Variants in ZIC3 observed in about 807,000 individuals in gnomAD.
ZIC3 encodes the protein Zic family zinc finger 3, also known as zinc finger protein ZIC 3.
A neutral mutation model predicts 18.3 loss-of-function variants in ZIC3; 6 were observed. That is an observed-to-expected ratio of 0.33 (90% CI 0.18 to 0.65). The LOEUF (loss-of-function observed/expected upper bound fraction) is 0.65. Among genes scored for constraint, ZIC3 ranks in the 30% least tolerant of loss-of-function variants. The probability of loss-of-function intolerance (pLI) is 0.75; values close to 1 mark genes in which losing one functional copy is unlikely to be tolerated. For missense variants in ZIC3, 260 were observed against 410.0 expected (o/e 0.63, Z 3.16); for synonymous variants, 175 against 177.0 (o/e 0.99, Z 0.09).
rs1931334333 is a variant in ZIC3 at position 137,566,170 on chromosome X, C to T, written c.-522C>T. 1 of 149,279 alleles carries T rather than the reference C, an allele frequency of 6.7e-6. No homozygotes were observed. Among genetic ancestry groups the T allele is most frequent in the Non-Finnish European group, 1.3e-5 (1 of 77,516 alleles). 12.3% of individuals were successfully genotyped at this position (149,279 alleles called of 1,213,427 possible). A position where few individuals can be genotyped will look rare whatever the true frequency, so the allele number is the denominator to read the frequency against. On this transcript the variant is annotated 5_prime_UTR_variant, in exon 1 of 3. Coordinates refer to ENST00000287538, the MANE Select transcript of ZIC3 (RefSeq NM_003413.4). ...CTCTGGAGGCGAAGAGGCTGGGACTCGCGCGGCGAGCGGCAAGCGGCGAGT... is the reference window on the plus strand; with the variant it reads ...CTCTGGAGGCGAAGAGGCTGGGACTTGCGCGGCGAGCGGCAAGCGGCGAGT...
chrX:137,574,243 G>C (rs1218852472), downstream of ZIC3: 2 of 113,388 alleles, frequency 1.8e-5, no homozygotes, highest in African/African-American at 6.4e-5. Flanking sequence ...GCGGCTCCCG[G>C]GGCTCATCAG....
chrX:137,569,061 T>G lies in ZIC3; in HGVS notation c.1220T>G (p.Met407Arg), dbSNP rs1931399013. The change falls in exon 2 of 3, where the codon ATG becomes AGG. Residue 407 changes from methionine to arginine, a missense_variant. Around this residue, in one of 4 missense-constraint regions of ZIC3, gnomAD observed 52 missense variants for 111.5 expected, o/e 0.47. Coordinates refer to ENST00000287538, the MANE Select transcript of ZIC3 (RefSeq NM_003413.4). ...YTHPSSLRKHMKVHESQGSDS... is the reference protein window; with the variant it reads ...YTHPSSLRKHRKVHESQGSDS... The stretch of plus-strand genomic sequence containing the variant: ...CACCCGAGCTCCCTGCGCAAACACA[T>G]GAAGGTAATTACCTCTTTATTAGCG... 1 of 1,210,948 alleles carries G rather than the reference T, an allele frequency of 8.3e-7. No homozygotes were observed. Among genetic ancestry groups the G allele is most frequent in the African/African-American group, 1.7e-5 (1 of 57,567 alleles).
In ZIC3 at chrX:137,568,981, T is replaced by A; in HGVS notation, c.1140T>A (p.His380Gln). The change falls in exon 2 of 3, where the codon CAT becomes CAA. Residue 380 changes from histidine to glutamine, a missense_variant. Physicochemically the swap from His to Gln is conservative, Grantham distance 24 (BLOSUM62 0). Around this residue, in one of 4 missense-constraint regions of ZIC3, gnomAD observed 52 missense variants for 111.5 expected, o/e 0.47. Transcript: ENST00000287538. ...GCAGCGACCGTAAGAAGCACATGCA[T>A]GTGCATACCTCGGACAAGCCCTATA... is the stretch of plus-strand genomic sequence containing the variant. ...ANSSDRKKHM[H>Q]VHTSDKPYIC... is the part of the protein sequence containing the mutation. 8.3e-7 allele frequency: 1 copy of A among 1,211,268 alleles called. No homozygotes were observed.
At chrX:137,573,550 G>A (rs754431426), downstream of ZIC3, among the ~76,000 whole-genome samples, 15 of 111,924 alleles carry the variant, frequency 1.3e-4, no homozygotes, top group African/African-American at 4.9e-4. Flanking sequence ...CTGCCTCTTC[G>A]CCCTGGCTCT....
rs748259350 is a variant in ZIC3, at chrX:137,569,085, C to G, written c.1224+20C>G. ...ATGAAGGTAATTACCTCTTTATTAG[C>G]GGTCGGCGGTTTGTAAACACTCGGC... On this transcript the variant is annotated intron_variant, in intron 2 of 2. Transcript: ENST00000287538. The G allele has an allele frequency of 1.1e-5, 13 of 1,210,360 alleles. No individual in the cohort carries two copies. The highest frequency in any genetic ancestry group is 1.5e-5 in the Non-Finnish European group (13 of 894,646).
Position 137,566,778 on chromosome X carries a change from C to T in ZIC3, c.87C>T (p.Asn29=). 8.4e-7 allele frequency: 1 copy of T among 1,185,544 alleles called. No homozygotes were observed. Among genetic ancestry groups the T allele is most frequent in the Non-Finnish European group, 1.1e-6 (1 of 884,014 alleles). ...FGAPRHHEMP[N]REPAGMGLNP... is the part of the protein sequence containing the mutation. ...CGCCGCGCCACCACGAGATGCCCAA[C>T]CGTGAGCCGGCAGGCATGGGGCTGA... The change falls in exon 1 of 3, where the codon AAC becomes AAT. Residue 29 remains asparagine, a synonymous_variant. Coordinates refer to ENST00000287538, the MANE Select transcript of ZIC3 (RefSeq NM_003413.4).
At chrX:137,573,889 C>T (rs1602745772), downstream of ZIC3, 1 of 108,317 alleles carries the variant, frequency 9.2e-6, no homozygotes, top group Non-Finnish European at 1.9e-5. Flanking sequence ...GAGGCTCGGG[C>T]GGGGGGGGAA....
chrX:137,577,109 G>GT (rs1183708439), intron 2 of ZIC3: 9 of 504,554 alleles, frequency 1.8e-5, no homozygotes, highest in African/African-American at 4.7e-5. Context: ...TTCACTTTTT[G>GT]TTTTTTTGCC....
Position 137,567,651 on chromosome X carries a change from A to C in ZIC3, c.960A>C (p.Arg320=). 1 of 1,212,242 alleles carries C rather than the reference A, an allele frequency of 8.2e-7. No homozygotes were observed. Among genetic ancestry groups the C allele is most frequent in the Non-Finnish European group, 1.1e-6 (1 of 895,607 alleles). ...KAKYKLVNHI[R]VHTGEKPFPC... is the part of the protein sequence containing the mutation. ...AGTACAAACTGGTCAACCACATCCGAGTGCACACGGGCGAGAAGCCCTTCC... is the reference window on the plus strand; with the variant it reads ...AGTACAAACTGGTCAACCACATCCGCGTGCACACGGGCGAGAAGCCCTTCC... The change falls in exon 1 of 3, where the codon CGA becomes CGC. Residue 320 remains arginine, a synonymous_variant. Coordinates refer to ENST00000287538, the MANE Select transcript of ZIC3 (RefSeq NM_003413.4).
chrX:137,574,337 C>T (rs1028506386), downstream of ZIC3, among the ~76,000 whole-genome samples: 2 of 113,488 alleles, frequency 1.8e-5, no homozygotes, highest in Admixed American at 9.2e-5. Flanking sequence ...GACTGGTTGT[C>T]GGCCCGCGCG....
chrX:137,566,844 C>T lies in ZIC3; in HGVS notation c.153C>T (p.Ala51=), dbSNP rs1418290298. ...CAACCCACGCCGCCGCCGCCGCCGC[C>T]GCCGCCGCTGCCTTCAAGCTGAGCC... ...GDSTHAAAAA[A]AAAAFKLSPA... Residue 51 remains alanine, a synonymous_variant, in exon 1 of 3, where the codon GCC becomes GCT. Transcript: ENST00000287538. 9.5e-6 allele frequency: 11 copies of T among 1,162,809 alleles called. No individual in the cohort carries two copies. Among genetic ancestry groups the T allele is most frequent in the Admixed American group, 7.7e-5 (3 of 38,915 alleles).
In ZIC3 at chrX:137,566,557, G is replaced by C. The variant is rs905369070; in HGVS notation, c.-135G>C. 1.2e-5 allele frequency: 13 copies of C among 1,081,991 alleles called. No homozygotes were observed. The African/African-American group carries it at 2.1e-4, about 17-fold the overall frequency. 89.2% of individuals were successfully genotyped at this position (1,081,991 alleles called of 1,213,427 possible). On this transcript the variant is annotated 5_prime_UTR_variant, in exon 1 of 3. Coordinates refer to ENST00000287538, the MANE Select transcript of ZIC3 (RefSeq NM_003413.4). ...CAGTGACGGAAAGTTGCAGCCCCTG[G>C]TAGCGCCTTGGGGGTCTCCCCGCAG... is the stretch of plus-strand genomic sequence containing the variant.
Position 137,567,324 on chromosome X carries a change from G to C in ZIC3, c.633G>C (p.Ala211=). 1 of 1,211,408 alleles carries C rather than the reference G, an allele frequency of 8.3e-7. No individual in the cohort carries two copies. The highest frequency in any genetic ancestry group is 1.1e-6 in the Non-Finnish European group (1 of 895,570). ...PVASPRTDPY[A]AGAQFPNYSP... is the part of the protein sequence containing the mutation. The stretch of plus-strand genomic sequence containing the variant: ...CCAGCCCGCGCACGGACCCCTACGC[G>C]GCCGGCGCTCAGTTTCCTAACTACA... The change falls in exon 1 of 3, where the codon GCG becomes GCC. Residue 211 remains alanine (A), a synonymous_variant. Coordinates refer to ENST00000287538, the MANE Select transcript of ZIC3 (RefSeq NM_003413.4).
chrX:137,573,528 C>A (rs991150613), downstream of ZIC3, among the ~76,000 whole-genome samples: 2 of 112,214 alleles, frequency 1.8e-5, no homozygotes, highest in African/African-American at 6.5e-5. Flanking sequence ...CCCTTCTCCC[C>A]GCCTGATGTC....
intron 1 of ZIC3, 146 bp downstream of exon 1, chrX:137,567,897 C>T: frequency 4.9e-6 from 5 of 1,024,597 alleles, no homozygotes; most frequent in Non-Finnish European, 5.3e-6. Flanking sequence ...TGTCAGTGAC[C>T]ATCCACCCCT....
rs757238089 is a variant in ZIC3 at position 137,570,031 on chromosome X, C to T, written c.1365C>T (p.Asn455=). The change falls in exon 3 of 3, where the codon AAC becomes AAT. Residue 455 remains asparagine (N), a synonymous_variant. Coordinates refer to ENST00000287538, the MANE Select transcript of ZIC3 (RefSeq NM_003413.4). ...PSAVQTSTSH[N]PGLPPNFNEW... ...CAGTTCAAACTAGCACCAGCCACAA[C>T]CCTGGACTTCCTCCTAATTTTAACG... is the stretch of plus-strand genomic sequence containing the variant. 1 of 1,211,836 alleles carries T rather than the reference C, an allele frequency of 8.3e-7. No individual in the cohort carries two copies. Among genetic ancestry groups the T allele is most frequent in the Admixed American group, 2.2e-5 (1 of 46,043 alleles).
At chrX:137,569,140 C>T (rs1290130570) in intron 2 of ZIC3, 75 bp downstream of exon 2, 6 of 1,118,370 alleles carry the variant, frequency 5.4e-6, no homozygotes, top group Admixed American at 2.3e-5. Flanking sequence ...CGGAAGCGCC[C>T]GCGCTGCCAA....
At position 137,566,769 on chromosome X, in the gene ZIC3, G is replaced by C; in HGVS notation, c.78G>C (p.Glu26Asp). 2.5e-6 allele frequency: 3 copies of C among 1,189,150 alleles called. No homozygotes were observed. Among genetic ancestry groups the C allele is most frequent in the Non-Finnish European group, 3.4e-6 (3 of 885,709 alleles). Residue 26 changes from glutamate to aspartate, a missense_variant, in exon 1 of 3, where the codon GAG becomes GAC. Physicochemically the swap from Glu to Asp is conservative, Grantham distance 45 (BLOSUM62 2). Transcript: ENST00000287538. ...VGSFGAPRHH[E>D]MPNREPAGMG... The stretch of plus-strand genomic sequence containing the variant: ...GCTTCGGCGCGCCGCGCCACCACGA[G>C]ATGCCCAACCGTGAGCCGGCAGGCA...
At chrX:137,568,084 T>C (rs925582377) in intron 1 of ZIC3, among the ~76,000 whole-genome samples, 1 of 113,207 alleles carries the variant, frequency 8.8e-6, no homozygotes, top group Non-Finnish European at 1.9e-5. Flanking sequence ...AGCATATTGC[T>C]TACAAGCGAC....
Sources: allele counts gnomAD v4.1 joint callset (sites outside exome capture counted in the v4.1 genomes callset), GRCh38; gene constraint gnomAD v4.1.1; regional missense constraint gnomAD v4.1.1; transcripts MANE v1.5; gene names NCBI Gene and HGNC (gene_info 2026-07-23, HGNC 2026-07-21).